The following RNF135 variants were observed in gnomAD, a reference collection of about 807,000 sequenced individuals.
RNF135 encodes ring finger protein 135.
A neutral mutation model predicts 41.9 loss-of-function variants in RNF135; 46 were observed. The observed-to-expected ratio is 1.10, with a 90% CI of 0.87 to 1.40. The LOEUF (loss-of-function observed/expected upper bound fraction) is 1.40. RNF135 is among the 40% of genes most tolerant of loss of function. The probability of loss-of-function intolerance (pLI) is 0.00; values close to 1 mark genes in which losing one functional copy is unlikely to be tolerated. For synonymous variants in RNF135, 238 were observed against 223.8 expected (o/e 1.06, Z -0.57); for missense variants, 539 against 549.8 (o/e 0.98, Z 0.20).
intron 1 of RNF135, among the ~76,000 whole-genome samples, chr17:30,979,753 G>A (rs1411713610): frequency 3.1e-5 from 4 of 127,934 alleles, no homozygotes; most frequent in African/African-American, 8.9e-5. Context: ...GGCTGGCCGG[G>A]CAGGGGGCTG....
chr17:30,971,429 G>C lies in RNF135; in HGVS notation c.356G>C (p.Arg119Pro). The change falls in exon 1 of 5, where the codon CGC becomes CCC. Residue 119 changes from arginine to proline, a missense_variant. Coordinates refer to ENST00000328381, the MANE Select transcript of RNF135 (RefSeq NM_032322.4). ...AGCGCGGCCGCGAGGCCCCGGCGCC[G>C]CCCGGAACTGCAGCGGGTAGGGAGG... ...LSSAAARPRR[R>P]PELQRVAVEK... The C allele has an allele frequency of 6.6e-7, 1 of 1,514,310 alleles. No homozygotes were observed. The highest frequency in any genetic ancestry group is 1.4e-5 in the African/African-American group (1 of 69,668). 93.8% of individuals were successfully genotyped at this position (1,514,310 alleles called of 1,614,324 possible). A position where few individuals can be genotyped will look rare whatever the true frequency, so the allele number is the denominator to read the frequency against.
At chr17:30,979,947 C>T (rs1906918871) in intron 1 of RNF135, among the ~76,000 whole-genome samples, 4 of 104,324 alleles carry the variant, frequency 3.8e-5, no homozygotes, top group Non-Finnish European at 6.0e-5. Context: ...GCAGAGGCGC[C>T]CCTCACCTCC....
chr17:30,963,867 G>T, the RNF135 span, among the ~76,000 whole-genome samples: 1 of 152,158 alleles, frequency 6.6e-6, no homozygotes, highest in Non-Finnish European at 1.5e-5. Context: ...TATAATCCCA[G>T]CACTTTGGAG....
chr17:30,990,644 C>G (rs1340851898), intron 3 of RNF135, among the ~76,000 whole-genome samples: 2 of 152,202 alleles, frequency 1.3e-5, no homozygotes, highest in Non-Finnish European at 2.9e-5. Context: ...AGTGTCTGTT[C>G]AGAATTTATT....
chr17:30,971,139 C>G lies in RNF135; in HGVS notation c.66C>G (p.Ile22Met). The G allele has an allele frequency of 6.5e-7, 1 of 1,534,202 alleles. No homozygotes were observed. The highest frequency in any genetic ancestry group is 8.7e-7 in the Non-Finnish European group (1 of 1,146,048). Residue 22 changes from isoleucine to methionine, a missense_variant, in exon 1 of 5, where the codon ATC becomes ATG. Transcript: ENST00000328381. ...TGGCCGAGGACGACCTCGGCTGCAT[C>G]ATCTGCCAGGGGCTGCTGGACTGGC... is the stretch of plus-strand genomic sequence containing the variant. ...VWLAEDDLGC[I>M]ICQGLLDWPA...
chr17:30,967,448 ACTTTT>A (rs1197018810), upstream of RNF135, among the ~76,000 whole-genome samples: 4 of 152,208 alleles, frequency 2.6e-5, no homozygotes, highest in African/African-American at 7.2e-5. Context: ...ATTGCAGCAT[ACTTTT>A]CTTTTGTTTG....
chr17:30,994,849 G>T (rs978341310), intron 3 of RNF135, among the ~76,000 whole-genome samples: 1 of 151,368 alleles, frequency 6.6e-6, no homozygotes, highest in African/African-American at 2.4e-5. Context: ...TGTTGGCCAG[G>T]CTGGTCTCAA....
At chr17:30,978,124 T>C (rs1906627681) in intron 1 of RNF135, among the ~76,000 whole-genome samples, 1 of 152,292 alleles carries the variant, frequency 6.6e-6, no homozygotes, top group South Asian at 2.1e-4. Flanking sequence ...CTCCCTTGTA[T>C]ATTATTTATT....
chr17:30,968,038 G>C (rs771278727), upstream of RNF135, among the ~76,000 whole-genome samples: 1 of 152,104 alleles, frequency 6.6e-6, no homozygotes, highest in East Asian at 2.0e-4. Context: ...GGGAGGATGA[G>C]GTGGGCGGAT....
At chr17:30,984,440 G>A (rs1008306098) in intron 1 of RNF135, among the ~76,000 whole-genome samples, 177 bp from the exon 2 acceptor site, 3 of 152,132 alleles carry the variant, frequency 2.0e-5, no homozygotes. Flanking sequence ...TGGCACCTTC[G>A]TCAAAAATCA....
In RNF135 at chr17:30,971,092, G is replaced by C; in HGVS notation, c.19G>C (p.Gly7Arg). MAGLGLGSAVPVWLAED... is the reference protein window; with the variant it reads MAGLGLRSAVPVWLAED... ...GTTGGCCATGGCGGGCCTGGGCCTGGGCTCCGCCGTTCCCGTGTGGCTGGC... is the reference window on the plus strand; with the variant it reads ...GTTGGCCATGGCGGGCCTGGGCCTGCGCTCCGCCGTTCCCGTGTGGCTGGC... Residue 7 changes from glycine to arginine, a missense_variant, in exon 1 of 5, where the codon GGC becomes CGC. This residue lies in a region of RNF135 where 277 missense variants were observed against 212.8 expected (regional missense o/e 1.30). Coordinates refer to ENST00000328381, the MANE Select transcript of RNF135 (RefSeq NM_032322.4). 6.5e-7 allele frequency: 1 copy of C among 1,534,356 alleles called. No individual in the cohort carries two copies. Among genetic ancestry groups the C allele is most frequent in the African/African-American group, 1.4e-5 (1 of 73,102 alleles).
intron 4 of RNF135, 137 bp from the exon 5 acceptor site, chr17:30,998,525 G>A: frequency 1.2e-6 from 1 of 825,356 alleles, no homozygotes. Context: ...TTCCTGTTGG[G>A]TGATGTAGCA....
In RNF135 at chr17:30,971,458, G is replaced by A; in HGVS notation, c.372+13G>A. The A allele has an allele frequency of 6.7e-7, 1 of 1,490,778 alleles. No individual in the cohort carries two copies. The highest frequency in any genetic ancestry group is 2.8e-5 in the East Asian group (1 of 36,236). 92.3% of individuals were successfully genotyped at this position (1,490,778 alleles called of 1,614,324 possible). On this transcript the variant is annotated intron_variant, in intron 1 of 4. Transcript: ENST00000328381. Reference sequence around the variant, plus strand: ...GGAACTGCAGCGGGTAGGGAGGCCGGGCCCGCAGCTCCCCTGGCTCCCCCG... The same window carrying A: ...GGAACTGCAGCGGGTAGGGAGGCCGAGCCCGCAGCTCCCCTGGCTCCCCCG...
the RNF135 span, among the ~76,000 whole-genome samples, chr17:30,962,334 A>C: frequency 3.3e-5 from 5 of 151,798 alleles, no homozygotes; most frequent in Non-Finnish European, 7.4e-5. Context: ...AGGTTTCACC[A>C]TGTTGGCCAG....
rs1309194014 is a variant in RNF135 at position 30,998,735 on chromosome 17, G to A, written c.843G>A (p.Val281=). The A allele has an allele frequency of 1.6e-5, 26 of 1,613,280 alleles. No individual in the cohort carries two copies. Among genetic ancestry groups the A allele is most frequent in the Non-Finnish European group, 2.0e-5 (24 of 1,179,838 alleles). Residue 281 remains valine, a synonymous_variant, in exon 5 of 5, where the codon GTG becomes GTA. Transcript: ENST00000328381. ...AGGTGTCCAAGGATTCCCGTACAGTGACTGTGTCTCACCGCCCACAACCCT... is the reference window on the plus strand; with the variant it reads ...AGGTGTCCAAGGATTCCCGTACAGTAACTGTGTCTCACCGCCCACAACCCT... ...SLEVSKDSRT[V]TVSHRPQPYR... is the part of the protein sequence containing the mutation.
intron 2 of RNF135, among the ~76,000 whole-genome samples, chr17:30,985,911 G>A (rs1465326877): frequency 1.3e-5 from 2 of 152,114 alleles, no homozygotes; most frequent in Non-Finnish European, 2.9e-5. Context: ...TGTGTCTCAC[G>A]TCTTCCCACT....
intron 3 of RNF135, among the ~76,000 whole-genome samples, chr17:30,993,510 T>C (rs148737121): frequency 2.6e-5 from 4 of 152,268 alleles, no homozygotes; most frequent in African/African-American, 9.6e-5. Context: ...GAGCCCCTAG[T>C]GAATTTTAAG....
the RNF135 span, among the ~76,000 whole-genome samples, chr17:30,964,126 G>A: frequency 2.6e-5 from 4 of 152,154 alleles, no homozygotes; most frequent in South Asian, 2.1e-4. Context: ...GGTGGCTCAC[G>A]CCTGTAATCC....
rs531065322 is a variant in RNF135 at position 30,990,436 on chromosome 17, A to C, written c.679+2330A>C. On this transcript the variant is annotated intron_variant, in intron 3 of 4. Coordinates refer to ENST00000328381, the MANE Select transcript of RNF135 (RefSeq NM_032322.4). ...CTACTCCAGAGGCTTAGGCAGGAAA[A>C]TTGCTTGAACCCGGGAGGCAGAGGT... is the stretch of plus-strand genomic sequence containing the variant. 3.9e-5 allele frequency among the ~76,000 whole-genome samples: 6 copies of C among 152,260 alleles called. No homozygotes were observed. The South Asian group carries it at 1.2e-3, about 32-fold the overall frequency.
Sources: allele counts gnomAD v4.1 joint callset (sites outside exome capture counted in the v4.1 genomes callset), GRCh38; gene constraint gnomAD v4.1.1; regional missense constraint gnomAD v4.1.1; transcripts MANE v1.5; gene names NCBI Gene and HGNC (gene_info 2026-07-23, HGNC 2026-07-21).